The following NOS1AP variants were observed in gnomAD, a reference collection of about 807,000 sequenced individuals.
NOS1AP encodes the protein carboxyl-terminal PDZ ligand of neuronal nitric oxide synthase protein.
In NOS1AP, 21 loss-of-function variants were observed where a neutral mutation model predicts 56.2. That is an observed-to-expected ratio of 0.37 (90% confidence interval 0.26 to 0.54). The LOEUF (loss-of-function observed/expected upper bound fraction) is 0.54, where lower values mean the gene tolerates loss of function less well. Ranked by LOEUF, NOS1AP falls within the 20% of genes least tolerant of loss-of-function variation. NOS1AP has a pLI of 0.84. For synonymous variants in NOS1AP, 270 were observed against 274.6 expected, an observed-to-expected ratio of 0.98 and a Z score of 0.17; for missense variants, 522 against 657.8, an observed-to-expected ratio of 0.79 and a Z score of 2.26.
intron 8 of NOS1AP, 182 bp downstream of exon 8, chr1:162,357,318 T>A: frequency 8.5e-7 from 1 of 1,175,112 alleles, no homozygotes; most frequent in Admixed American, 2.1e-5. Flanking sequence ...GGGATGCAGT[T>A]GAAATGGAGA....
intron 2 of NOS1AP, among the ~76,000 whole-genome samples, chr1:162,202,840 T>C (rs1192989639): frequency 6.6e-6 from 1 of 152,190 alleles, no homozygotes; most frequent in African/African-American, 2.4e-5. Flanking sequence ...AGGAACTATA[T>C]TGGCTTAGAT....
At chr1:162,197,409 C>G (rs1405146958) in intron 2 of NOS1AP, among the ~76,000 whole-genome samples, 1 of 152,188 alleles carries the variant, frequency 6.6e-6, no homozygotes, top group Non-Finnish European at 1.5e-5. Flanking sequence ...GATTATAGAA[C>G]AGAGGTTCTT....
At chr1:162,104,498 A>G (rs1424831872) in intron 1 of NOS1AP, among the ~76,000 whole-genome samples, 4 of 151,168 alleles carry the variant, frequency 2.6e-5, no homozygotes, top group Non-Finnish European at 5.9e-5. Context: ...ATCCTGAAGT[A>G]TGTTTTCCAG....
In NOS1AP at chr1:162,325,060, C is replaced by A. The variant is rs1396212958; in HGVS notation, c.345-7957C>A. Among the ~76,000 whole-genome samples the A allele has an allele frequency of 1.1e-4, 16 of 152,286 alleles. No homozygotes were observed. The East Asian group carries it at 3.1e-3, about 29-fold the overall frequency. On this transcript the variant is annotated intron_variant, in intron 4 of 9. Coordinates refer to ENST00000361897, the MANE Select transcript of NOS1AP (RefSeq NM_014697.3). Reference sequence around the variant, plus strand: ...ACCATTTCATGAGTTTATTACCCTTCTTTTTTGCCAAATAGCCCTGAGGAA... The same window carrying A: ...ACCATTTCATGAGTTTATTACCCTTATTTTTTGCCAAATAGCCCTGAGGAA...
chr1:162,261,511 A>AAGAGAAGAGAG lies in NOS1AP; in HGVS notation c.178-25833_178-25832insAGAGAAGAGAG, dbSNP rs778383324. Among the ~76,000 whole-genome samples, 179 of 21,290 alleles carry AAGAGAAGAGAG rather than the reference A, an allele frequency of 8.4e-3. 53 individuals are homozygous for AAGAGAAGAGAG. Among genetic ancestry groups the AAGAGAAGAGAG allele is most frequent in the African/African-American group, 0.022 (158 of 7,078 alleles). The allele number at this position is 21,290 out of a possible 152,430, so 14.0% of individuals were successfully genotyped here. ...GAGAGAGAGAGAGAGAGAGAGAGAG[A>AAGAGAAGAGAG]GAGAGAGAGAGAGAGAGAGAGAGAG... is the stretch of plus-strand genomic sequence containing the variant. On this transcript the variant is annotated intron_variant, in intron 2 of 9. Coordinates refer to ENST00000361897, the MANE Select transcript of NOS1AP (RefSeq NM_014697.3).
chr1:162,209,732 T>C (rs1484089293), intron 2 of NOS1AP, among the ~76,000 whole-genome samples: 1 of 152,140 alleles, frequency 6.6e-6, no homozygotes, highest in African/African-American at 2.4e-5. Flanking sequence ...GCTAGCCATC[T>C]TCAAGTTTTG....
intron 2 of NOS1AP, among the ~76,000 whole-genome samples, chr1:162,281,437 G>A (rs562828908): frequency 6.6e-6 from 1 of 152,276 alleles, no homozygotes; most frequent in South Asian, 2.1e-4. Context: ...CTCATGAAGG[G>A]TATGGCCTGT....
intron 2 of NOS1AP, among the ~76,000 whole-genome samples, chr1:162,169,724 C>G (rs1474442476): frequency 2.0e-5 from 3 of 152,150 alleles, no homozygotes; most frequent in African/African-American, 7.2e-5. Context: ...TGTCTCTATT[C>G]AAAAACTTTC....
chr1:162,255,579 C>T (rs73019422), intron 2 of NOS1AP, among the ~76,000 whole-genome samples: 4,412 of 127,918 alleles, frequency 0.034, 210 homozygotes, highest in African/African-American at 0.12. Context: ...AATTTCCTCT[C>T]TCCAGACTTT....
At chr1:162,281,143 A>G (rs778832764) in intron 2 of NOS1AP, among the ~76,000 whole-genome samples, 16 of 152,230 alleles carry the variant, frequency 1.1e-4, no homozygotes, top group Non-Finnish European at 2.1e-4. Flanking sequence ...TTTCATTTTT[A>G]AAAGGCTGTA....
At chr1:162,225,655 A>G (rs1294272699) in intron 2 of NOS1AP, among the ~76,000 whole-genome samples, 1 of 152,182 alleles carries the variant, frequency 6.6e-6, no homozygotes, top group Non-Finnish European at 1.5e-5. Flanking sequence ...TTTCTCTGTC[A>G]CAGATGCAAC....
At chr1:162,157,570 T>C in intron 2 of NOS1AP, among the ~76,000 whole-genome samples, 1 of 152,162 alleles carries the variant, frequency 6.6e-6, no homozygotes, top group African/African-American at 2.4e-5. Flanking sequence ...TTCTGATGGG[T>C]TCAGAAGACA....
intron 1 of NOS1AP, among the ~76,000 whole-genome samples, chr1:162,142,707 C>T (rs1649288959): frequency 1.3e-5 from 2 of 152,032 alleles, no homozygotes; most frequent in Non-Finnish European, 2.9e-5. Flanking sequence ...TAGAAAAATC[C>T]TAAAAATCAG....
At chr1:162,273,835 T>C (rs1383379348) in intron 2 of NOS1AP, among the ~76,000 whole-genome samples, 1 of 152,194 alleles carries the variant, frequency 6.6e-6, no homozygotes, top group Non-Finnish European at 1.5e-5. Flanking sequence ...AAAATTTGTT[T>C]TACATTTCAA....
chr1:162,353,246 T>C (rs1657582743), intron 6 of NOS1AP, among the ~76,000 whole-genome samples: 1 of 152,198 alleles, frequency 6.6e-6, no homozygotes, highest in Admixed American at 6.5e-5. Context: ...TTGGTATTAC[T>C]TGCTTTCAGT....
At chr1:162,087,866 G>C (rs1053499168) in intron 1 of NOS1AP, among the ~76,000 whole-genome samples, 1 of 152,074 alleles carries the variant, frequency 6.6e-6, no homozygotes, top group African/African-American at 2.4e-5. Context: ...TGTGATCTCT[G>C]TCTTCCCTTA....
chr1:162,367,459 G>A lies in NOS1AP; in HGVS notation c.1513G>A (p.Ala505Thr). The stretch of plus-strand genomic sequence containing the variant: ...GGGCGACGGCCTGGATGATGAGATC[G>A]CCGTGTAGGTGCCGAGGGCGAGGAG... The part of the protein sequence containing the change: ...ELGDGLDDEI[A>T]V The change falls in exon 10 of 10, where the codon GCC becomes ACC. Residue 505 changes from alanine to threonine, a missense_variant. Coordinates refer to ENST00000361897, the MANE Select transcript of NOS1AP (RefSeq NM_014697.3). This position sits in a 1 kb window ranked among gnomAD's most constrained non-coding sequence, Gnocchi z 6.5. The A allele has an allele frequency of 2.6e-6, 4 of 1,559,766 alleles. No homozygotes were observed. Among genetic ancestry groups the A allele is most frequent in the Non-Finnish European group, 3.5e-6 (4 of 1,149,398 alleles).
At chr1:162,354,504 A>G (rs570708333) in intron 6 of NOS1AP, among the ~76,000 whole-genome samples, 1 of 152,318 alleles carries the variant, frequency 6.6e-6, no homozygotes, top group Non-Finnish European at 1.5e-5. Flanking sequence ...AAAGGAAGAA[A>G]TGTGGGAAGT....
At chr1:162,358,153 C>A (rs1657761945) in intron 8 of NOS1AP, among the ~76,000 whole-genome samples, 1 of 152,178 alleles carries the variant, frequency 6.6e-6, no homozygotes, top group South Asian at 2.1e-4. Flanking sequence ...GCAGACTTCT[C>A]CAGGGAGCAC....
Sources: gnomAD v4.1 joint callset for allele counts (sites outside exome capture counted in the v4.1 genomes callset) on GRCh38, gnomAD v4.1.1 for gene constraint, Gnocchi (gnomAD v3.1) non-coding constraint, MANE v1.5 for transcripts, NCBI Gene and HGNC (gene_info 2026-07-23, HGNC 2026-07-21) for gene names.